EVC: variants seen among roughly 807,000 people sequenced by gnomAD.
EVC encodes the protein EvC ciliary complex subunit 1, also known as evC complex member EVC.
A neutral mutation model predicts 118.9 loss-of-function variants in EVC; 116 were observed. That is an observed-to-expected ratio of 0.98 (90% CI 0.84 to 1.14). The LOEUF is 1.14. EVC is among the 50% of genes most tolerant of loss of function. The probability of loss-of-function intolerance (pLI) is 0.00; values close to 1 mark genes in which losing one functional copy is unlikely to be tolerated. For missense variants in EVC, 1,401 were observed against 1,246.4 expected (o/e 1.12, Z -1.87); for synonymous variants, 619 against 534.7 (o/e 1.16, Z -2.18).
At chr4:5,739,848 A>G (rs973726858) in intron 5 of EVC, among the ~76,000 whole-genome samples, 2 of 148,036 alleles carry the variant, frequency 1.4e-5, no homozygotes, top group Non-Finnish European at 3.0e-5. Flanking sequence ...GGCAGGTTGC[A>G]TGAGTTCAGG....
chr4:5,758,355 C>T (rs757306021), intron 11 of EVC: 119 of 525,164 alleles, frequency 2.3e-4, no homozygotes, highest in Non-Finnish European at 3.0e-4. Flanking sequence ...GGAAACTAAA[C>T]GGAAGGCGAT....
At chr4:5,740,050 G>T (rs1190940858) in intron 5 of EVC, among the ~76,000 whole-genome samples, 2 of 152,142 alleles carry the variant, frequency 1.3e-5, no homozygotes, top group Non-Finnish European at 2.9e-5. Flanking sequence ...AATGGTACTG[G>T]AGCAATTGGA....
Position 5,783,555 on chromosome 4 carries a change from C to A in EVC, c.1567C>A (p.Leu523Met). Residue 523 changes from leucine to methionine, a missense_variant, in exon 12 of 21, where the codon CTG becomes ATG. Transcript: ENST00000264956. ...TEAVVALCQELYFSTVDTFQK... is the reference protein window; with the variant it reads ...TEAVVALCQEMYFSTVDTFQK... ...CATCTGTGGTTCTCCGCTCCAGGAG[C>A]TGTACTTCAGCACCGTGGACACTTT... is the stretch of plus-strand genomic sequence containing the variant. 6.2e-7 allele frequency: 1 copy of A among 1,614,130 alleles called. No individual in the cohort carries two copies. Among genetic ancestry groups the A allele is most frequent in the Non-Finnish European group, 8.5e-7 (1 of 1,179,984 alleles).
chr4:5,735,914 A>G (rs917262209), intron 5 of EVC, among the ~76,000 whole-genome samples: 1 of 152,164 alleles, frequency 6.6e-6, no homozygotes, highest in African/African-American at 2.4e-5. Context: ...CTGGGACTGT[A>G]AGAACCTGGT....
At chr4:5,778,379 G>A (rs1398654408) in intron 11 of EVC, among the ~76,000 whole-genome samples, 7 of 151,916 alleles carry the variant, frequency 4.6e-5, no homozygotes, top group Admixed American at 2.0e-4. Context: ...GGGTCAAATG[G>A]TATTTCTAGT....
Position 5,798,537 on chromosome 4 carries a change from C to G in EVC, c.2098-49C>G, listed in dbSNP as rs530076583. 6.5e-7 allele frequency: 1 copy of G among 1,538,182 alleles called. No homozygotes were observed. Among genetic ancestry groups the G allele is most frequent in the South Asian group, 1.2e-5 (1 of 83,776 alleles). ...CACATCCCAGTCCTGGCCAGAGCTTCTCTGTGAGAGGAGCACTTGGCCCCT... is the reference window on the plus strand; with the variant it reads ...CACATCCCAGTCCTGGCCAGAGCTTGTCTGTGAGAGGAGCACTTGGCCCCT... On this transcript the variant is annotated intron_variant, in intron 14 of 20. Transcript: ENST00000264956. The surrounding 1 kb of genome is among the most constrained non-coding windows in gnomAD (Gnocchi z 4.1).
At position 5,756,785 on chromosome 4, in the gene EVC, G is replaced by T. The variant is rs1731246022; in HGVS notation, c.1563+423G>T. On this transcript the variant is annotated intron_variant, in intron 11 of 20. Coordinates refer to ENST00000264956, the MANE Select transcript of EVC (RefSeq NM_153717.3). The surrounding 1 kb of genome is among the most constrained non-coding windows in gnomAD (Gnocchi z 4.2). ...CTTTCCCCTGTGCAACCGTGTGCAGGTCTGGGGTGGGGAGGTGAAGCTGGC... is the reference window on the plus strand; with the variant it reads ...CTTTCCCCTGTGCAACCGTGTGCAGTTCTGGGGTGGGGAGGTGAAGCTGGC... 6.6e-6 allele frequency among the ~76,000 whole-genome samples: 1 copy of T among 152,160 alleles called. No individual in the cohort carries two copies. The highest frequency in any genetic ancestry group is 2.4e-5 in the African/African-American group (1 of 41,434).
intron 11 of EVC, chr4:5,758,326 C>T (rs552296946): frequency 1.8e-6 from 1 of 544,662 alleles, no homozygotes; most frequent in Non-Finnish European, 3.2e-6. Context: ...GTTTGCGGCG[C>T]TTTGTCATGG....
intron 3 of EVC, among the ~76,000 whole-genome samples, chr4:5,730,229 G>A (rs1726566057): frequency 1.3e-5 from 2 of 152,126 alleles, no homozygotes; most frequent in African/African-American, 4.8e-5. Flanking sequence ...TGAGGGCTCA[G>A]AACAGTGCAC....
chr4:5,788,399 C>CA (rs1377179624), intron 12 of EVC, among the ~76,000 whole-genome samples: 1 of 152,150 alleles, frequency 6.6e-6, no homozygotes, highest in African/African-American at 2.4e-5. Context: ...CCTCAAGGGT[C>CA]GTTGGACTGA....
chr4:5,828,933 T>C, the EVC span, among the ~76,000 whole-genome samples: 2 of 144,606 alleles, frequency 1.4e-5, no homozygotes, highest in African/African-American at 2.9e-5. Flanking sequence ...AGGAAGGGGG[T>C]CCCCCGGGGT....
chr4:5,811,022 A>AG lies in EVC; in HGVS notation c.2964_2965insG (p.Arg989GlufsTer7). On this transcript the variant is annotated frameshift_variant, in exon 21 of 21. Transcript: ENST00000264956. LOFTEE classifies it high-confidence loss of function. ...GGAACTCAAAGAAGATGCTAAAGAG[A>AG]AGAAGCAACTTGTAGTTTAAGACCA... is the stretch of plus-strand genomic sequence containing the variant. 6.2e-7 allele frequency: 1 copy of AG among 1,612,142 alleles called. No individual in the cohort carries two copies. Among genetic ancestry groups the AG allele is most frequent in the Non-Finnish European group, 8.5e-7 (1 of 1,179,000 alleles).
At position 5,814,299 on chromosome 4, in the gene EVC, GA is replaced by G. The variant is rs1717347858; in HGVS notation, c.*3266del. The G allele has an allele frequency of 6.6e-6, 1 of 152,234 alleles. No individual in the cohort carries two copies. 9.4% of individuals were successfully genotyped at this position (152,234 alleles called of 1,614,324 possible). Reference sequence around the variant, plus strand: ...TGAACTCATGATTTAATTCTTTGGTGAAAATAGCACCCTCTGACCTGTACTT... The same window carrying G: ...TGAACTCATGATTTAATTCTTTGGTGAAATAGCACCCTCTGACCTGTACTT... On this transcript the variant is annotated 3_prime_UTR_variant, in exon 21 of 21. Coordinates refer to ENST00000264956, the MANE Select transcript of EVC (RefSeq NM_153717.3).
intron 8 of EVC, among the ~76,000 whole-genome samples, chr4:5,750,388 A>G (rs191062836): frequency 6.6e-6 from 1 of 152,318 alleles, no homozygotes; most frequent in Admixed American, 6.5e-5. Flanking sequence ...TCCAAATAGG[A>G]AGAAGGAAAG....
chr4:5,751,703 C>T (rs1047381144), intron 8 of EVC, among the ~76,000 whole-genome samples: 1 of 152,140 alleles, frequency 6.6e-6, no homozygotes, highest in Non-Finnish European at 1.5e-5. Context: ...ATCACCTCCT[C>T]GAAGACAGGA....
chr4:5,736,046 T>A (rs972884247), intron 5 of EVC, among the ~76,000 whole-genome samples: 34 of 151,970 alleles, frequency 2.2e-4, no homozygotes, highest in Admixed American at 1.8e-3. Context: ...AGCTTAGAAC[T>A]CCCTGGCTGG....
At chr4:5,782,389 A>ATTTTTTTTT (rs71171482) in intron 11 of EVC, among the ~76,000 whole-genome samples, 1 of 78,568 alleles carries the variant, frequency 1.3e-5, no homozygotes, top group Non-Finnish European at 2.4e-5. Context: ...GTAAGGTTCC[A>ATTTTTTTTT]TTTTTTTTTT....
At chr4:5,786,534 G>A (rs1411436948) in intron 12 of EVC, among the ~76,000 whole-genome samples, 1 of 152,118 alleles carries the variant, frequency 6.6e-6, no homozygotes, top group Non-Finnish European at 1.5e-5. Flanking sequence ...GTTTTCTCAA[G>A]GTGTCTATGT....
At chr4:5,712,645 G>C (rs1303217595) in intron 1 of EVC, among the ~76,000 whole-genome samples, 1 of 152,188 alleles carries the variant, frequency 6.6e-6, no homozygotes, top group Non-Finnish European at 1.5e-5. Context: ...TTTCCATGTA[G>C]GCACAGGCTC....
Sources: allele counts gnomAD v4.1 joint callset (sites outside exome capture counted in the v4.1 genomes callset), GRCh38; gene constraint gnomAD v4.1.1; non-coding constraint Gnocchi (gnomAD v3.1); transcripts MANE v1.5; gene names NCBI Gene and HGNC (gene_info 2026-07-23, HGNC 2026-07-21).